Variants in THSD7A observed in about 807,000 individuals in gnomAD.
The protein encoded by THSD7A is thrombospondin type 1 domain containing 7A.
In THSD7A, 96 loss-of-function variants were observed where a neutral mutation model predicts 231.3. The observed-to-expected ratio is 0.41, with a 90% CI of 0.35 to 0.49. The LOEUF is 0.49. THSD7A is among the 20% of genes least tolerant of loss of function. The probability of loss-of-function intolerance (pLI) is 0.05; values close to 1 mark genes in which losing one functional copy is unlikely to be tolerated. For synonymous variants in THSD7A, 940 were observed against 743.3 expected (o/e 1.26, Z -4.30); for missense variants, 2,290 against 2,070.2 (o/e 1.11, Z -2.06).
chr7:11,699,890 A>C (rs1780531031), intron 1 of THSD7A, among the ~76,000 whole-genome samples: 1 of 151,284 alleles, frequency 6.6e-6, no homozygotes, highest in Admixed American at 6.6e-5. Context: ...GAAAGTGTAC[A>C]CATAGATGGT....
chr7:11,567,217 T>C (rs1462118956), intron 4 of THSD7A, among the ~76,000 whole-genome samples: 6 of 152,080 alleles, frequency 3.9e-5, no homozygotes, highest in African/African-American at 1.2e-4. Flanking sequence ...TGGAGGCCTC[T>C]GGAAACTTAA....
chr7:11,659,222 T>C (rs992710723), intron 1 of THSD7A, among the ~76,000 whole-genome samples: 3 of 151,668 alleles, frequency 2.0e-5, no homozygotes, highest in South Asian at 2.1e-4. Context: ...TGGAGCAAAC[T>C]ATATTCACAT....
chr7:11,497,994 G>C (rs1787173646), intron 6 of THSD7A, among the ~76,000 whole-genome samples: 1 of 152,180 alleles, frequency 6.6e-6, no homozygotes, highest in Admixed American at 6.5e-5. Context: ...TCAGTCTTCA[G>C]TCCAATATAG....
At chr7:11,828,522 G>A (rs1785095287) in intron 1 of THSD7A, among the ~76,000 whole-genome samples, 1 of 152,076 alleles carries the variant, frequency 6.6e-6, no homozygotes, top group South Asian at 2.1e-4. Flanking sequence ...ATGCCATGTT[G>A]TAATTGTGTA....
chr7:11,730,588 G>C (rs1258114666), intron 1 of THSD7A, among the ~76,000 whole-genome samples: 1 of 151,128 alleles, frequency 6.6e-6, no homozygotes, highest in Admixed American at 6.6e-5. Context: ...ATATGAATAC[G>C]AACTGTTTTC....
At chr7:11,666,158 G>C (rs1204595097) in intron 1 of THSD7A, among the ~76,000 whole-genome samples, 1 of 151,992 alleles carries the variant, frequency 6.6e-6, no homozygotes, top group Admixed American at 6.6e-5. Flanking sequence ...TAGAGATTGA[G>C]TATTCCTTAT....
At chr7:11,728,959 T>A (rs1337888196) in intron 1 of THSD7A, among the ~76,000 whole-genome samples, 1 of 151,840 alleles carries the variant, frequency 6.6e-6, no homozygotes, top group Non-Finnish European at 1.5e-5. Flanking sequence ...TATTTTGAAG[T>A]ATATTTTCTA....
intron 2 of THSD7A, among the ~76,000 whole-genome samples, chr7:11,613,798 T>C (rs1256614289): frequency 6.6e-6 from 1 of 152,174 alleles, no homozygotes; most frequent in Admixed American, 6.5e-5. Flanking sequence ...GAAGGGGTAG[T>C]AGTTTGATCT....
intron 1 of THSD7A, among the ~76,000 whole-genome samples, chr7:11,702,222 G>C (rs1180651746): frequency 6.6e-6 from 1 of 151,022 alleles, no homozygotes; most frequent in East Asian, 2.0e-4. Flanking sequence ...GTATGATGTG[G>C]CTGGGTTCTC....
At chr7:11,535,684 A>T (rs925011822) in intron 6 of THSD7A, among the ~76,000 whole-genome samples, 4 of 152,110 alleles carry the variant, frequency 2.6e-5, no homozygotes, top group African/African-American at 9.7e-5. Context: ...ATTCAGTTAT[A>T]GGATGGATTC....
At chr7:11,404,563 A>AGG (rs1397430789) in intron 22 of THSD7A, among the ~76,000 whole-genome samples, 1 of 152,202 alleles carries the variant, frequency 6.6e-6, no homozygotes, top group African/African-American at 2.4e-5. Context: ...ACCTGCTGCC[A>AGG]CAGCCTTAGG....
chr7:11,482,009 T>C, intron 6 of THSD7A, 27 bp from the exon 7 acceptor site: 1 of 1,552,240 alleles, frequency 6.4e-7, no homozygotes, highest in Non-Finnish European at 8.7e-7. Context: ...CACCAACAGC[T>C]ATTATTGTTA....
intron 6 of THSD7A, among the ~76,000 whole-genome samples, chr7:11,509,465 T>G (rs1472911767): frequency 6.6e-6 from 1 of 152,182 alleles, no homozygotes; most frequent in East Asian, 1.9e-4. Flanking sequence ...TCAATGCTGC[T>G]TTTTCTATGT....
intron 1 of THSD7A, among the ~76,000 whole-genome samples, chr7:11,725,297 G>T (rs573814817): frequency 6.6e-6 from 1 of 152,010 alleles, no homozygotes; most frequent in South Asian, 2.1e-4. Flanking sequence ...ACTCTGATTT[G>T]AGATGTCTTT....
intron 17 of THSD7A, among the ~76,000 whole-genome samples, chr7:11,413,144 T>C (rs1449702598): frequency 6.6e-6 from 1 of 151,680 alleles, no homozygotes. Context: ...GTTTGTGGAT[T>C]ACGTATAGTC....
intron 1 of THSD7A, among the ~76,000 whole-genome samples, chr7:11,681,186 C>T (rs1040195964): frequency 2.0e-5 from 3 of 151,944 alleles, no homozygotes; most frequent in African/African-American, 7.2e-5. Flanking sequence ...GAACATCACA[C>T]ACTGGGGTCA....
rs1289257399 is a variant in THSD7A at position 11,519,907 on chromosome 7, C to G, written c.1822+21512G>C. ...GCTCTTCAAATTTATTTTCAAACTACTTTCAGATGGCCCTTCTGCTCTAGA... is the reference window on the plus strand; with the variant it reads ...GCTCTTCAAATTTATTTTCAAACTAGTTTCAGATGGCCCTTCTGCTCTAGA... On this transcript the variant is annotated intron_variant, in intron 6 of 27. Transcript: ENST00000423059. The G allele has an allele frequency of 2.0e-5, 3 of 152,176 alleles. No homozygotes were observed. In the East Asian group the frequency reaches 5.8e-4, roughly 29 times the overall value. The allele number at this position is 152,176 out of a possible 1,614,324, so 9.4% of individuals were successfully genotyped here.
chr7:11,502,549 A>G (rs910969232), intron 6 of THSD7A, among the ~76,000 whole-genome samples: 2 of 152,212 alleles, frequency 1.3e-5, no homozygotes, highest in African/African-American at 4.8e-5. Flanking sequence ...GATTATCTCA[A>G]TAGATTCAGA....
chr7:11,758,352 T>C (rs969474843), intron 1 of THSD7A, among the ~76,000 whole-genome samples: 1 of 152,070 alleles, frequency 6.6e-6, no homozygotes, highest in Non-Finnish European at 1.5e-5. Flanking sequence ...ATATAACATG[T>C]TTATTTTCTT....
Sources: gnomAD v4.1 joint callset for allele counts (sites outside exome capture counted in the v4.1 genomes callset) on GRCh38, gnomAD v4.1.1 for gene constraint, MANE v1.5 for transcripts, NCBI Gene and HGNC (gene_info 2026-07-23, HGNC 2026-07-21) for gene names.